Variants in EYS observed in about 807,000 individuals in gnomAD.
The protein encoded by EYS is protein eyes shut homolog.
Under a neutral mutation model 282.1 loss-of-function variants are expected in EYS, and 250 were observed. The observed-to-expected ratio is 0.89, with a 90% CI of 0.80 to 0.98. The LOEUF (loss-of-function observed/expected upper bound fraction) is 0.98. EYS is among the 50% of genes least tolerant of loss of function. The pLI, the probability that EYS is intolerant of heterozygous loss-of-function variation, is 0.00. For synonymous variants in EYS, 1,355 were observed against 1,282.9 expected (o/e 1.06, Z -1.20); for missense variants, 4,016 against 3,709.0 (o/e 1.08, Z -2.15).
Position 65,288,905 on chromosome 6 carries a change from T to C in EYS, c.2023+6958A>G, listed in dbSNP as rs115749626. 4.8e-3 allele frequency among the ~76,000 whole-genome samples: 728 copies of C among 151,114 alleles called. 6 individuals carry two copies. Among genetic ancestry groups the C allele is most frequent in the African/African-American group, 0.016 (668 of 41,412 alleles). ...AGCTAATTAAAAGTATTGCAATCCC[T>C]AGGTTAAGCACTTAAAGAGTAGTAA... On this transcript the variant is annotated intron_variant, in intron 12 of 42. Coordinates refer to ENST00000503581, the MANE Select transcript of EYS (RefSeq NM_001142800.2).
chr6:64,261,982 T>A (rs912351216), intron 30 of EYS, among the ~76,000 whole-genome samples: 2 of 151,988 alleles, frequency 1.3e-5, no homozygotes, highest in Non-Finnish European at 2.9e-5. Flanking sequence ...TCTCAACCTC[T>A]GAGCTCAAGC....
chr6:65,116,706 C>A (rs1775385087), intron 12 of EYS, among the ~76,000 whole-genome samples: 1 of 151,836 alleles, frequency 6.6e-6, no homozygotes, highest in Non-Finnish European at 1.5e-5. Context: ...AACAAAACAA[C>A]AACAAAAAAA....
intron 26 of EYS, among the ~76,000 whole-genome samples, chr6:64,444,393 G>A (rs557368132): frequency 5.9e-5 from 9 of 152,034 alleles, no homozygotes; most frequent in Admixed American, 3.3e-4. Context: ...ACAACATTTC[G>A]AAGTCTTTTC....
At chr6:64,506,786 G>A (rs34204982) in intron 26 of EYS, among the ~76,000 whole-genome samples, 35,578 of 151,580 alleles carry the variant, frequency 0.23, 5,075 homozygotes, top group East Asian at 0.36. Context: ...GCAAGCGGCT[G>A]TAGTCCCAGC....
In EYS at chr6:65,309,972, A is replaced by G. The variant is rs1769111240; in HGVS notation, c.1767-13853T>C. ...CAATTTTTCTTGGTTGAATAGCCATATTGATCCTTTCAGTATGCATTGGAT... is the reference window on the plus strand; with the variant it reads ...CAATTTTTCTTGGTTGAATAGCCATGTTGATCCTTTCAGTATGCATTGGAT... On this transcript the variant is annotated intron_variant, in intron 11 of 42. Transcript: ENST00000503581. Among the ~76,000 whole-genome samples, 5 of 152,252 alleles carry G rather than the reference A, an allele frequency of 3.3e-5. No homozygotes were observed. In the South Asian group the frequency reaches 1.0e-3, roughly 32 times the overall value.
intron 19 of EYS, among the ~76,000 whole-genome samples, chr6:64,878,592 C>T (rs763508464): frequency 6.6e-5 from 10 of 151,940 alleles, no homozygotes; most frequent in Non-Finnish European, 1.3e-4. Context: ...TAAGAACATT[C>T]ATTCTCATTC....
intron 35 of EYS, among the ~76,000 whole-genome samples, chr6:63,941,241 T>A (rs1765230497): frequency 1.3e-5 from 2 of 152,182 alleles, no homozygotes; most frequent in Admixed American, 1.3e-4. Context: ...TAGTTCTAGA[T>A]CCCTGAGGAA....
chr6:64,921,786 A>G (rs1170222901), intron 15 of EYS, among the ~76,000 whole-genome samples: 2 of 152,222 alleles, frequency 1.3e-5, no homozygotes, highest in Admixed American at 6.5e-5. Context: ...TCAATAAAAC[A>G]GTTATCAATA....
intron 26 of EYS, among the ~76,000 whole-genome samples, chr6:64,580,111 T>G (rs1417237061): frequency 1.3e-5 from 2 of 152,170 alleles, no homozygotes; most frequent in Non-Finnish European, 2.9e-5. Flanking sequence ...CTTTCATAGC[T>G]AAGCCTTCTT....
At chr6:64,437,795 T>A (rs965338444) in intron 27 of EYS, among the ~76,000 whole-genome samples, 1 of 151,204 alleles carries the variant, frequency 6.6e-6, no homozygotes, top group Non-Finnish European at 1.5e-5. Context: ...TGGTGCTATA[T>A]ATATATACAT....
chr6:63,977,722 C>G (rs1009436266), intron 35 of EYS, among the ~76,000 whole-genome samples: 1 of 151,918 alleles, frequency 6.6e-6, no homozygotes, highest in Non-Finnish European at 1.5e-5. Flanking sequence ...GATCCAGGAC[C>G]GAGTTTGTGT....
intron 22 of EYS, among the ~76,000 whole-genome samples, chr6:64,793,488 C>T (rs1323960071): frequency 1.3e-5 from 2 of 152,090 alleles, no homozygotes; most frequent in Non-Finnish European, 2.9e-5. Context: ...AAAAAATGCT[C>T]AAATGCATAT....
intron 5 of EYS, among the ~76,000 whole-genome samples, chr6:65,471,187 C>T (rs1163872716): frequency 3.7e-5 from 4 of 107,846 alleles, no homozygotes; most frequent in Non-Finnish European, 7.3e-5. Flanking sequence ...AGAATGTTTA[C>T]AAAAGCACCA....
intron 2 of EYS, among the ~76,000 whole-genome samples, chr6:65,520,873 A>G (rs1767341772): frequency 6.6e-6 from 1 of 152,108 alleles, no homozygotes; most frequent in Non-Finnish European, 1.5e-5. Flanking sequence ...AGGGTAGTCC[A>G]ATTTTAGTGC....
intron 2 of EYS, among the ~76,000 whole-genome samples, chr6:65,599,128 T>C (rs1038739689): frequency 6.6e-6 from 1 of 152,080 alleles, no homozygotes; most frequent in East Asian, 1.9e-4. Flanking sequence ...CTTCCATATA[T>C]GCGGATTTAG....
chr6:64,597,518 T>TAGTC lies in EYS; in HGVS notation c.3685-4213_3685-4210dup, dbSNP rs1243497094. On this transcript the variant is annotated intron_variant, in intron 24 of 42. Coordinates refer to ENST00000503581, the MANE Select transcript of EYS (RefSeq NM_001142800.2). The stretch of plus-strand genomic sequence containing the variant: ...GTGGTATATATACACAATGGAATAC[T>TAGTC]AGTCAGCCATAAAAAGAATTAAATC... Among the ~76,000 whole-genome samples, 3 of 152,294 alleles carry TAGTC rather than the reference T, an allele frequency of 2.0e-5. No individual in the cohort carries two copies. The East Asian group carries it at 5.8e-4, about 29-fold the overall frequency.
intron 30 of EYS, among the ~76,000 whole-genome samples, chr6:64,252,409 C>T (rs1434982916): frequency 1.3e-5 from 2 of 152,106 alleles, no homozygotes; most frequent in Non-Finnish European, 2.9e-5. Context: ...CACTTCATGC[C>T]TAAGTGCTTG....
intron 18 of EYS, among the ~76,000 whole-genome samples, chr6:64,887,132 G>A (rs1398579923): frequency 6.6e-6 from 1 of 151,710 alleles, no homozygotes. Flanking sequence ...CCTTTGTAGG[G>A]ACATGGATGA....
intron 2 of EYS, among the ~76,000 whole-genome samples, chr6:65,620,276 G>C (rs1463847451): frequency 2.0e-5 from 3 of 152,136 alleles, no homozygotes; most frequent in African/African-American, 7.2e-5. Context: ...TCCTGGTTTA[G>C]TCTTGGGAGG....
Sources: gnomAD v4.1 joint callset for allele counts (sites outside exome capture counted in the v4.1 genomes callset) on GRCh38, gnomAD v4.1.1 for gene constraint, MANE v1.5 for transcripts, NCBI Gene and HGNC (gene_info 2026-07-23, HGNC 2026-07-21) for gene names.